DPH6: variants seen among roughly 807,000 people sequenced by gnomAD.
DPH6 encodes diphthine--ammonia ligase.
DPH6 carries 33 observed loss-of-function variants against 38.2 expected under a neutral mutation model. The ratio of observed to expected loss-of-function variants is 0.86; its 90% confidence interval spans 0.65 to 1.15. The LOEUF is 1.15. Ranked by LOEUF, DPH6 falls within the 50% of genes most tolerant of loss-of-function variation. The probability of loss-of-function intolerance (pLI) is 0.00; values close to 1 mark genes in which losing one functional copy is unlikely to be tolerated. For synonymous variants in DPH6, 108 were observed against 103.0 expected (o/e 1.05, Z -0.30); for missense variants, 325 against 320.0 (o/e 1.02, Z -0.12).
intron 3 of DPH6, among the ~76,000 whole-genome samples, chr15:35,475,848 A>C (rs1249785205): frequency 5.9e-5 from 9 of 151,826 alleles, no homozygotes; most frequent in African/African-American, 2.2e-4. Context: ...TTAAACTGAG[A>C]AGAATATTAA....
chr15:35,252,043 G>C (rs2051678658), intron 3 of DPH6, among the ~76,000 whole-genome samples: 1 of 152,190 alleles, frequency 6.6e-6, no homozygotes, highest in African/African-American at 2.4e-5. Context: ...GAGAGGCTAA[G>C]GCAGGAGGTA....
intron 3 of DPH6, among the ~76,000 whole-genome samples, chr15:35,513,617 C>A (rs1462328026): frequency 6.6e-6 from 1 of 151,908 alleles, no homozygotes; most frequent in African/African-American, 2.4e-5. Flanking sequence ...AATTACAACA[C>A]CACTTAGTCT....
intron 3 of DPH6, among the ~76,000 whole-genome samples, chr15:35,467,749 A>T (rs929972449): frequency 6.6e-6 from 1 of 151,962 alleles, no homozygotes; most frequent in African/African-American, 2.4e-5. Context: ...TTCTTGCGGA[A>T]TACCTTGGAG....
rs1347721401 is a variant in DPH6, at chr15:35,296,806, T to TA, written n.201-76225_201-76224insT. On this transcript the variant is annotated intron_variant and non_coding_transcript_variant, in intron 3 of 3. Transcript: ENST00000560386. Reference sequence around the variant, plus strand: ...TCTCTAACCTGATGGCCTGGCTTCTTTTTTTTTTTGAGACGGAGTCTCGCT... The same window carrying TA: ...TCTCTAACCTGATGGCCTGGCTTCTTATTTTTTTTTGAGACGGAGTCTCGCT... 4.2e-3 allele frequency among the ~76,000 whole-genome samples: 551 copies of TA among 130,492 alleles called. 55 individuals are homozygous for TA. Among genetic ancestry groups the TA allele is most frequent in the East Asian group, 0.016 (52 of 3,324 alleles). The allele number at this position is 130,492 out of a possible 152,430, so 85.6% of individuals were successfully genotyped here.
chr15:35,392,459 G>C (rs2053073118), intron 6 of DPH6, among the ~76,000 whole-genome samples: 1 of 149,474 alleles, frequency 6.7e-6, no homozygotes, highest in African/African-American at 2.5e-5. Context: ...CCTCCACCTA[G>C]AGGAAACAAT....
intron 6 of DPH6, chr15:35,401,806 C>G (rs2053223724): frequency 1.7e-6 from 1 of 593,012 alleles, no homozygotes. Flanking sequence ...GAGAGGAGAG[C>G]CAGAGAAGTT....
At chr15:35,402,727 G>A (rs1050352807) in intron 6 of DPH6, among the ~76,000 whole-genome samples, 60 of 152,020 alleles carry the variant, frequency 3.9e-4, no homozygotes, top group Non-Finnish European at 7.4e-4. Flanking sequence ...GGAGTAGTTA[G>A]TGTATAAGCC....
At chr15:35,188,575 A>T in the DPH6 span, among the ~76,000 whole-genome samples, 11 of 152,296 alleles carry the variant, frequency 7.2e-5, no homozygotes, top group African/African-American at 2.6e-4. Flanking sequence ...GCTTTTTAAT[A>T]AACTTTCACT....
chr15:35,406,154 T>C (rs1483599494), intron 6 of DPH6, among the ~76,000 whole-genome samples: 2 of 152,010 alleles, frequency 1.3e-5, no homozygotes, highest in African/African-American at 4.8e-5. Flanking sequence ...CTTACAGTAG[T>C]GAGCTTTGAA....
intron 1 of DPH6, among the ~76,000 whole-genome samples, chr15:35,542,953 T>TAATATATATTATTCCACTTAAAGA (rs1165583929): frequency 9.1e-6 from 1 of 109,612 alleles, no homozygotes; most frequent in Admixed American, 1.0e-4. Flanking sequence ...GGAATATATA[T>TAATATATATTATTCCACTTAAAGA]ATATATATAT....
intron 3 of DPH6, among the ~76,000 whole-genome samples, chr15:35,464,848 T>A (rs2054108993): frequency 6.6e-6 from 1 of 152,222 alleles, no homozygotes; most frequent in Non-Finnish European, 1.5e-5. Flanking sequence ...GGAAATGGAC[T>A]TCTACTATAA....
At chr15:35,450,845 T>C (rs1409590240) in intron 4 of DPH6, 42 bp from the exon 5 acceptor site, 2 of 1,454,668 alleles carry the variant, frequency 1.4e-6, no homozygotes, top group Non-Finnish European at 9.4e-7. Flanking sequence ...GATCTCTTAA[T>C]GTTTTATACT....
chr15:35,497,566 G>T (rs1195119191), intron 3 of DPH6, among the ~76,000 whole-genome samples: 1 of 152,086 alleles, frequency 6.6e-6, no homozygotes, highest in Non-Finnish European at 1.5e-5. Context: ...CTATAACATG[G>T]TTGATTCACG....
chr15:35,299,197 G>C, intron 3 of DPH6: 1 of 1,363,554 alleles, frequency 7.3e-7, no homozygotes, highest in Non-Finnish European at 1.0e-6. Context: ...AACCCACTGG[G>C]AACAGGATCC....
chr15:35,181,999 T>TGTG, the DPH6 span, among the ~76,000 whole-genome samples: 38,458 of 151,846 alleles, frequency 0.25, 5,618 homozygotes, highest in East Asian at 0.68. Context: ...TGTATGTAAT[T>TGTG]ACTAAAAATA....
intron 3 of DPH6, among the ~76,000 whole-genome samples, chr15:35,295,426 C>T (rs1355939246): frequency 6.6e-6 from 1 of 152,196 alleles, no homozygotes; most frequent in African/African-American, 2.4e-5. Context: ...TTATCTTTCC[C>T]ACCCACGTTC....
chr15:35,543,644 T>C (rs1292219237), intron 1 of DPH6, among the ~76,000 whole-genome samples: 1 of 152,098 alleles, frequency 6.6e-6, no homozygotes. Context: ...CCTTGTTGCC[T>C]TTTATCTTAG....
the DPH6 span, among the ~76,000 whole-genome samples, chr15:35,161,798 C>T: frequency 1.3e-5 from 2 of 151,870 alleles, no homozygotes; most frequent in Non-Finnish European, 2.9e-5. Context: ...AATCAACTAG[C>T]ATCTTGATTT....
chr15:35,353,173 A>G (rs1299847950), intron 3 of DPH6, among the ~76,000 whole-genome samples: 3 of 152,060 alleles, frequency 2.0e-5, no homozygotes, highest in Non-Finnish European at 4.4e-5. Context: ...TAGATTCTAG[A>G]TATTAGCCCT....
Sources: gnomAD v4.1 joint callset for allele counts (sites outside exome capture counted in the v4.1 genomes callset) on GRCh38, gnomAD v4.1.1 for gene constraint, MANE v1.5 for transcripts, NCBI Gene and HGNC (gene_info 2026-07-23, HGNC 2026-07-21) for gene names.